GTF3C2: variants seen among roughly 807,000 people sequenced by gnomAD.
The protein encoded by GTF3C2 is general transcription factor IIIC subunit 2, also known as general transcription factor 3C polypeptide 2.
In GTF3C2, 17 loss-of-function variants were observed where a neutral mutation model predicts 117.4. The observed-to-expected ratio is 0.14, with a 90% CI of 0.10 to 0.22. The LOEUF (loss-of-function observed/expected upper bound fraction) is 0.22, where lower values mean the gene tolerates loss of function less well. Among genes scored for constraint, GTF3C2 ranks in the 10% least tolerant of loss-of-function variants. The probability of loss-of-function intolerance (pLI) is 1.00; values close to 1 mark genes in which losing one functional copy is unlikely to be tolerated. For missense variants in GTF3C2, 888 were observed against 1,143.6 expected, an observed-to-expected ratio of 0.78 and a Z score of 3.22; for synonymous variants, 437 against 427.0, an observed-to-expected ratio of 1.02 and a Z score of -0.29.
At chr2:27,337,483 C>T in exon 6 of GTF3C2, 1 of 1,605,100 alleles carries the variant, frequency 6.2e-7, no homozygotes. Context: ...CAACTTACAG[C>T]TCAGATAACA....
In GTF3C2 at chr2:27,342,176, AG is replaced by A; in HGVS notation, c.626del (p.Pro209LeufsTer10). 1 of 1,614,114 alleles carries A rather than the reference AG, an allele frequency of 6.2e-7. No homozygotes were observed. Among genetic ancestry groups the A allele is most frequent in the Non-Finnish European group, 8.5e-7 (1 of 1,179,984 alleles). On this transcript the variant is annotated frameshift_variant, in exon 4 of 19. Coordinates refer to ENST00000264720, the Ensembl canonical transcript of GTF3C2. LOFTEE classifies it high-confidence loss of function. ...CCTTGGGGCCCTCAGGACAGGACAC[AG>A]GGGCAGGCAGGGCTGTTGAGAGCTC...
At chr2:27,339,520 T>C (rs1234196157) in intron 4 of GTF3C2, 1 of 152,154 alleles carries the variant, frequency 6.6e-6, no homozygotes, top group East Asian at 1.9e-4. Flanking sequence ...TTGCATTGAT[T>C]TTTTTAAATG....
At chr2:27,331,571 C>T (rs1366086217) in intron 12 of GTF3C2, among the ~76,000 whole-genome samples, 1 of 152,012 alleles carries the variant, frequency 6.6e-6, no homozygotes. Flanking sequence ...GTGATCTGCC[C>T]GCCTCGGCCT....
intron 1 of GTF3C2, among the ~76,000 whole-genome samples, chr2:27,355,376 C>T (rs530067508): frequency 3.3e-5 from 5 of 152,048 alleles, no homozygotes; most frequent in Admixed American, 6.6e-5. Context: ...CAAAAGTAGC[C>T]GGGCATGGTG....
intron 4 of GTF3C2, among the ~76,000 whole-genome samples, chr2:27,339,409 C>CAA (rs761860478): frequency 2.4e-4 from 11 of 46,740 alleles, no homozygotes; most frequent in East Asian, 6.7e-4. Flanking sequence ...AACTCCGTCT[C>CAA]AAAAAAAAAA....
chr2:27,330,410 C>T (rs561837652), intron 12 of GTF3C2, among the ~76,000 whole-genome samples: 3 of 150,676 alleles, frequency 2.0e-5, no homozygotes, highest in South Asian at 2.1e-4. Flanking sequence ...TGCAGTAAGC[C>T]GAGATCACGC....
At position 27,326,604 on chromosome 2, in the gene GTF3C2, C is replaced by T. The variant is rs750397337; in HGVS notation, c.*71G>A. The T allele has an allele frequency of 2.7e-5, 31 of 1,164,734 alleles. No individual in the cohort carries two copies. The South Asian group carries it at 4.0e-4, about 15-fold the overall frequency. 72.1% of individuals were successfully genotyped at this position (1,164,734 alleles called of 1,614,324 possible). A position where few individuals can be genotyped will look rare whatever the true frequency, so the allele number is the denominator to read the frequency against. On this transcript the variant is annotated 3_prime_UTR_variant, in exon 19 of 19. Transcript: ENST00000264720. Reference sequence around the variant, plus strand: ...CACTGTCCAGGGAAGGCCCCCAGTTCCTATGGCTCTGTGCATAGGGGCCAT... The same window carrying T: ...CACTGTCCAGGGAAGGCCCCCAGTTTCTATGGCTCTGTGCATAGGGGCCAT...
chr2:27,330,794 C>T (rs1487609512), intron 12 of GTF3C2, among the ~76,000 whole-genome samples: 4 of 152,210 alleles, frequency 2.6e-5, no homozygotes, highest in African/African-American at 9.6e-5. Flanking sequence ...AATCTCATCT[C>T]TACTAAAAAT....
intron 10 of GTF3C2, among the ~76,000 whole-genome samples, chr2:27,334,228 C>G (rs969261803): frequency 1.3e-5 from 2 of 151,508 alleles, no homozygotes; most frequent in African/African-American, 4.9e-5. Flanking sequence ...TAGACCTCCT[C>G]TGTGGACACA....
chr2:27,337,308 AC>A lies in GTF3C2; in HGVS notation c.1062del (p.Lys354AsnfsTer21). The A allele has an allele frequency of 6.2e-7, 1 of 1,613,438 alleles. No individual in the cohort carries two copies. Among genetic ancestry groups the A allele is most frequent in the Non-Finnish European group, 8.5e-7 (1 of 1,179,416 alleles). On this transcript the variant is annotated frameshift_variant, in exon 7 of 19. Transcript: ENST00000264720. LOFTEE classifies it high-confidence loss of function. ...TCACGTTGTACAGAAAACAATGGAGACTTCTCCTCCTGGGGCAGGTAGGGAG... is the reference window on the plus strand; with the variant it reads ...TCACGTTGTACAGAAAACAATGGAGATTCTCCTCCTGGGGCAGGTAGGGAG...
chr2:27,351,825 T>C (rs1681148776), intron 1 of GTF3C2, among the ~76,000 whole-genome samples: 1 of 152,146 alleles, frequency 6.6e-6, no homozygotes, highest in Non-Finnish European at 1.5e-5. Flanking sequence ...GTGGGATCAG[T>C]CCCTTCAATT....
chr2:27,326,734 A>T (rs750421174), exon 19 of GTF3C2: 1 of 1,613,944 alleles, frequency 6.2e-7, no homozygotes, highest in Admixed American at 1.7e-5. Context: ...CTAGTGGGGG[A>T]GGATGGTTGG....
chr2:27,354,806 C>T (rs1485399749), intron 1 of GTF3C2, among the ~76,000 whole-genome samples: 1 of 152,232 alleles, frequency 6.6e-6, no homozygotes, highest in Admixed American at 6.5e-5. Context: ...TTATCTCATT[C>T]TTCCTAATTG....
exon 12 of GTF3C2, chr2:27,333,714 A>C (rs1436744596): frequency 6.2e-7 from 1 of 1,610,420 alleles, no homozygotes; most frequent in African/African-American, 1.3e-5. Flanking sequence ...GGCCAGGCTA[A>C]GGCACTGACC....
chr2:27,354,124 A>G (rs1281848404), intron 1 of GTF3C2, among the ~76,000 whole-genome samples: 1 of 151,988 alleles, frequency 6.6e-6, no homozygotes, highest in Non-Finnish European at 1.5e-5. Context: ...ACAACAACAA[A>G]AATGTTTAAT....
At chr2:27,352,711 CTTGA>C (rs768008891) in intron 1 of GTF3C2, among the ~76,000 whole-genome samples, 3 of 152,074 alleles carry the variant, frequency 2.0e-5, no homozygotes, top group East Asian at 1.9e-4. Context: ...ATAAAAGCTC[CTTGA>C]TTATTTTAAT....
chr2:27,337,887 C>G (rs1028476344), intron 5 of GTF3C2, 39 bp downstream of exon 5: 1 of 1,185,626 alleles, frequency 8.4e-7, no homozygotes, highest in Non-Finnish European at 1.3e-6. Flanking sequence ...TCCTCTACCA[C>G]CCCTTTATTA....
chr2:27,350,340 GC>G, intron 1 of GTF3C2: 2 of 871,808 alleles, frequency 2.3e-6, no homozygotes, highest in Non-Finnish European at 1.4e-6. Context: ...GATGGGGCCA[GC>G]ACCTTGTGTT....
chr2:27,342,528 T>C (rs1680771706), intron 3 of GTF3C2: 2 of 539,418 alleles, frequency 3.7e-6, no homozygotes, highest in Admixed American at 3.3e-5. Context: ...AGAGAAAGAA[T>C]GGAACAGAAT....
Sources: allele counts gnomAD v4.1 joint callset (sites outside exome capture counted in the v4.1 genomes callset), GRCh38; gene constraint gnomAD v4.1.1; transcripts MANE v1.5; gene names NCBI Gene and HGNC (gene_info 2026-07-23, HGNC 2026-07-21).